PRKG1: variants seen among roughly 807,000 people sequenced by gnomAD.
PRKG1 encodes the protein cGMP-dependent protein kinase 1.
In PRKG1, 35 loss-of-function variants were observed where a neutral mutation model predicts 88.1. The observed-to-expected ratio is 0.40, with a 90% CI of 0.30 to 0.53. PRKG1 has a LOEUF of 0.53. PRKG1 is among the 20% of genes least tolerant of loss of function. The pLI, the probability that PRKG1 is intolerant of heterozygous loss-of-function variation, is 0.59. For synonymous variants in PRKG1, 303 were observed against 292.5 expected (o/e 1.04, Z -0.37); for missense variants, 540 against 839.8 (o/e 0.64, Z 4.41).
At chr10:51,063,159 T>C (rs1843711591) in intron 1 of PRKG1, among the ~76,000 whole-genome samples, 1 of 152,198 alleles carries the variant, frequency 6.6e-6, no homozygotes, top group African/African-American at 2.4e-5. Context: ...GATTTCCTAT[T>C]TTTCCTTGTT....
At chr10:51,493,845 T>C (rs1213038412) in intron 3 of PRKG1, among the ~76,000 whole-genome samples, 1 of 152,092 alleles carries the variant, frequency 6.6e-6, no homozygotes, top group Non-Finnish European at 1.5e-5. Context: ...AAATGAATGG[T>C]CCATTGTGAG....
At chr10:52,133,334 TGA>T (rs1363805383) in intron 7 of PRKG1, among the ~76,000 whole-genome samples, 1 of 152,096 alleles carries the variant, frequency 6.6e-6, no homozygotes, top group Non-Finnish European at 1.5e-5. Context: ...TATAGATGAA[TGA>T]CTATGTGCCA....
At chr10:51,145,164 G>A (rs1845913651) in intron 1 of PRKG1, among the ~76,000 whole-genome samples, 2 of 152,134 alleles carry the variant, frequency 1.3e-5, no homozygotes, top group Non-Finnish European at 2.9e-5. Context: ...TAACATCATG[G>A]CACTCAATGT....
At chr10:51,499,584 G>A (rs1344622811) in intron 3 of PRKG1, among the ~76,000 whole-genome samples, 1 of 151,884 alleles carries the variant, frequency 6.6e-6, no homozygotes, top group Non-Finnish European at 1.5e-5. Context: ...GTGAAAATAG[G>A]CAACAAAAAA....
intron 2 of PRKG1, among the ~76,000 whole-genome samples, chr10:51,333,248 G>A (rs1841786601): frequency 6.6e-6 from 1 of 152,206 alleles, no homozygotes; most frequent in Non-Finnish European, 1.5e-5. Flanking sequence ...GTGTGACACT[G>A]GCTATCTAAT....
chr10:51,886,630 A>G (rs1218016622), intron 4 of PRKG1, among the ~76,000 whole-genome samples: 1 of 152,226 alleles, frequency 6.6e-6, no homozygotes, highest in Non-Finnish European at 1.5e-5. Flanking sequence ...AAGTGGAATC[A>G]TGAAGTATTT....
chr10:51,413,549 T>C (rs1838159917), intron 2 of PRKG1, among the ~76,000 whole-genome samples: 1 of 151,912 alleles, frequency 6.6e-6, no homozygotes. Context: ...TTAGTAGAGA[T>C]GGGGTTTCAC....
intron 2 of PRKG1, among the ~76,000 whole-genome samples, chr10:51,453,287 GT>G (rs1251972267): frequency 6.6e-6 from 1 of 151,550 alleles, no homozygotes; most frequent in Non-Finnish European, 1.5e-5. Flanking sequence ...TGTTTTTGTT[GT>G]TGTTCATTTA....
intron 4 of PRKG1, among the ~76,000 whole-genome samples, chr10:51,869,387 G>GT (rs145638052): frequency 1.0e-3 from 155 of 148,228 alleles, no homozygotes; most frequent in African/African-American, 1.7e-3. Flanking sequence ...TATAACTGCT[G>GT]TTTTTTTTTT....
chr10:52,137,020 T>A (rs965399760), intron 8 of PRKG1, among the ~76,000 whole-genome samples: 2 of 152,118 alleles, frequency 1.3e-5, no homozygotes, highest in Non-Finnish European at 2.9e-5. Context: ...AAGGATCCTG[T>A]CAAAAGCCTG....
At chr10:51,641,169 C>A (rs1839790089) in intron 3 of PRKG1, among the ~76,000 whole-genome samples, 1 of 152,086 alleles carries the variant, frequency 6.6e-6, no homozygotes, top group Non-Finnish European at 1.5e-5. Context: ...GGGTTAGCAT[C>A]CAGAAGTGAC....
intron 3 of PRKG1, among the ~76,000 whole-genome samples, chr10:51,733,110 T>C (rs1401487085): frequency 1.3e-5 from 2 of 152,146 alleles, no homozygotes; most frequent in Non-Finnish European, 2.9e-5. Flanking sequence ...TCTCTTCTTA[T>C]AAAAACACTA....
intron 7 of PRKG1, among the ~76,000 whole-genome samples, chr10:52,096,221 T>A (rs930702062): frequency 1.3e-5 from 2 of 152,228 alleles, no homozygotes; most frequent in African/African-American, 4.8e-5. Flanking sequence ...GCTTTAGATG[T>A]GTTTTTGTAA....
At chr10:52,218,441 GT>G (rs1165605082) in intron 9 of PRKG1, among the ~76,000 whole-genome samples, 1 of 151,958 alleles carries the variant, frequency 6.6e-6, no homozygotes, top group Non-Finnish European at 1.5e-5. Flanking sequence ...ATTATTAAAT[GT>G]TTTTAGGCTT....
At chr10:52,171,992 C>T (rs931307285) in intron 9 of PRKG1, among the ~76,000 whole-genome samples, 1 of 150,108 alleles carries the variant, frequency 6.7e-6, no homozygotes, top group Non-Finnish European at 1.5e-5. Flanking sequence ...TTAGTAGAGG[C>T]GGGGTTTCAC....
intron 1 of PRKG1, among the ~76,000 whole-genome samples, chr10:51,132,723 T>G (rs1435456484): frequency 6.8e-6 from 1 of 147,870 alleles, no homozygotes; most frequent in Non-Finnish European, 1.5e-5. Context: ...ATATATATTA[T>G]ATATGTAATA....
At chr10:51,757,408 A>G (rs548128485) in intron 3 of PRKG1, among the ~76,000 whole-genome samples, 17 of 152,142 alleles carry the variant, frequency 1.1e-4, no homozygotes, top group Non-Finnish European at 2.4e-4. Context: ...CCAGCCCCTC[A>G]GTGGCCTACT....
rs190833436 is a variant in PRKG1, at chr10:51,085,063, G to A, written c.311+10162G>A. The stretch of plus-strand genomic sequence containing the variant: ...GACTGAAAAGAAAGAAGAAAATATG[G>A]CCAGGACAAAAAAGAAAAATGCAAA... On this transcript the variant is annotated intron_variant, in intron 1 of 17. Coordinates refer to ENST00000373980, the MANE Select transcript of PRKG1 (RefSeq NM_006258.4). Among the ~76,000 whole-genome samples the A allele has an allele frequency of 2.4e-3, 365 of 152,198 alleles. 3 individuals carry two copies. The highest frequency in any genetic ancestry group is 0.01 in the Middle Eastern group (3 of 294).
intron 8 of PRKG1, among the ~76,000 whole-genome samples, chr10:52,153,227 A>T (rs1470619743): frequency 6.6e-6 from 1 of 152,218 alleles, no homozygotes; most frequent in Non-Finnish European, 1.5e-5. Flanking sequence ...AAGTGAAAAA[A>T]AGCATAGAAA....
Sources: gnomAD v4.1 joint callset for allele counts (sites outside exome capture counted in the v4.1 genomes callset) on GRCh38, gnomAD v4.1.1 for gene constraint, MANE v1.5 for transcripts, NCBI Gene and HGNC (gene_info 2026-07-23, HGNC 2026-07-21) for gene names.